Variants in CHRM3 observed in about 807,000 individuals in gnomAD.
CHRM3 encodes cholinergic receptor muscarinic 3.
A neutral mutation model predicts 41.8 loss-of-function variants in CHRM3; 11 were observed. The ratio of observed to expected loss-of-function variants is 0.26; its 90% CI spans 0.17 to 0.44. The LOEUF (loss-of-function observed/expected upper bound fraction) is 0.44, where lower values mean the gene tolerates loss of function less well. CHRM3 is among the 20% of genes least tolerant of loss of function. CHRM3 has a pLI of 1.00. For synonymous variants in CHRM3, 297 were observed against 301.4 expected, an observed-to-expected ratio of 0.99 and a Z score of 0.15; for missense variants, 571 against 745.4, an observed-to-expected ratio of 0.77 and a Z score of 2.72.
At chr1:239,654,555 A>G (rs549307013) in intron 4 of CHRM3, among the ~76,000 whole-genome samples, 44 of 151,948 alleles carry the variant, frequency 2.9e-4, no homozygotes, top group African/African-American at 9.9e-4. Context: ...CACACCACCC[A>G]TCCTGGCTAA....
intron 6 of CHRM3, among the ~76,000 whole-genome samples, chr1:239,883,986 AG>A (rs1443185797): frequency 1.3e-5 from 2 of 152,250 alleles, no homozygotes; most frequent in African/African-American, 4.8e-5. Context: ...GTATGAAAAG[AG>A]AACCCCAACA....
chr1:239,514,584 T>C (rs1028928641), intron 2 of CHRM3, among the ~76,000 whole-genome samples: 1 of 152,110 alleles, frequency 6.6e-6, no homozygotes, highest in African/African-American at 2.4e-5. Context: ...TATTTCTCGC[T>C]TATCAATCTG....
intron 5 of CHRM3, among the ~76,000 whole-genome samples, chr1:239,715,294 A>G (rs1662227714): frequency 6.6e-6 from 1 of 152,160 alleles, no homozygotes. Flanking sequence ...AGGGCACTAT[A>G]ACTAGAAGAG....
At chr1:239,900,723 A>G (rs1439616475) in intron 6 of CHRM3, among the ~76,000 whole-genome samples, 5 of 152,136 alleles carry the variant, frequency 3.3e-5, no homozygotes, top group African/African-American at 1.2e-4. Flanking sequence ...TGGAGGGACG[A>G]AGGCAAGAAA....
intron 1 of CHRM3, among the ~76,000 whole-genome samples, chr1:239,414,243 G>A (rs1661326635): frequency 6.6e-6 from 1 of 152,020 alleles, no homozygotes; most frequent in Admixed American, 6.6e-5. Context: ...ATTTGGTATT[G>A]AACACATATG....
At chr1:239,778,629 A>C (rs761347700) in intron 5 of CHRM3, among the ~76,000 whole-genome samples, 91 of 152,196 alleles carry the variant, frequency 6.0e-4, no homozygotes, top group Non-Finnish European at 1.1e-3. Flanking sequence ...GGATTCTCTT[A>C]GGGCAGTCAC....
chr1:239,575,388 A>G (rs1363112185), intron 3 of CHRM3, among the ~76,000 whole-genome samples: 1 of 152,160 alleles, frequency 6.6e-6, no homozygotes, highest in Non-Finnish European at 1.5e-5. Context: ...GAATGAAGAG[A>G]GTGAAACTTC....
At chr1:239,602,430 A>G (rs1188166475) in intron 3 of CHRM3, among the ~76,000 whole-genome samples, 2 of 152,288 alleles carry the variant, frequency 1.3e-5, no homozygotes, top group Non-Finnish European at 2.9e-5. Context: ...AGGGGAAAAT[A>G]AATTAACTAT....
At chr1:239,859,536 T>C (rs1675432346) in intron 6 of CHRM3, among the ~76,000 whole-genome samples, 1 of 149,704 alleles carries the variant, frequency 6.7e-6, no homozygotes, top group Admixed American at 6.7e-5. Context: ...AGCCTCAGCC[T>C]CCCAGGTAGC....
At chr1:239,551,210 C>T (rs1276170513) in intron 3 of CHRM3, among the ~76,000 whole-genome samples, 3 of 137,110 alleles carry the variant, frequency 2.2e-5, no homozygotes, top group African/African-American at 5.6e-5. Context: ...TTGCCCAGGC[C>T]AGAGTGCAAT....
At chr1:239,751,675 A>G (rs2148582402) in intron 5 of CHRM3, among the ~76,000 whole-genome samples, 1 of 152,296 alleles carries the variant, frequency 6.6e-6, no homozygotes, top group African/African-American at 2.4e-5. Flanking sequence ...GTTTAGAACA[A>G]AGAGCATAGG....
chr1:239,667,858 C>T (rs1447315441), intron 4 of CHRM3, among the ~76,000 whole-genome samples: 1 of 152,122 alleles, frequency 6.6e-6, no homozygotes, highest in African/African-American at 2.4e-5. Context: ...CTGATAGGAA[C>T]AGAATCATCC....
chr1:239,895,894 T>A (rs915193099), intron 6 of CHRM3, among the ~76,000 whole-genome samples: 1 of 152,038 alleles, frequency 6.6e-6, no homozygotes, highest in Admixed American at 6.6e-5. Context: ...AGTGACAAAA[T>A]AATCTGTAAA....
rs1680064318 is a variant in CHRM3 at position 239,907,521 on chromosome 1, C to G, written c.70C>G (p.Pro24Ala). 1 of 1,614,188 alleles carries G rather than the reference C, an allele frequency of 6.2e-7. No homozygotes were observed. Among genetic ancestry groups the G allele is most frequent in the African/African-American group, 1.3e-5 (1 of 75,052 alleles). The part of the protein sequence containing the change: ...PNISSSWIHS[P>A]SDAGLPPGTV... The stretch of plus-strand genomic sequence containing the variant: ...CATCAGCTCCTCCTGGATACACAGC[C>G]CCTCCGATGCAGGGCTGCCCCCGGG... The change falls in exon 7 of 7, where the codon CCC becomes GCC. Residue 24 changes from proline (P) to alanine (A), a missense_variant. Pro to Ala is a conservative substitution (Grantham distance 27). This residue lies in a region of CHRM3 where 92 missense variants were observed against 76.1 expected (regional missense o/e 1.21). Transcript: ENST00000676153. This position sits in a 1 kb window ranked among gnomAD's most constrained non-coding sequence, Gnocchi z 5.4.
intron 6 of CHRM3, among the ~76,000 whole-genome samples, chr1:239,863,323 A>T (rs1009126636): frequency 2.6e-5 from 4 of 152,046 alleles, no homozygotes; most frequent in Non-Finnish European, 5.9e-5. Flanking sequence ...GTTTCCAAGG[A>T]CTCTGTACCA....
chr1:239,485,204 G>A (rs1419875485), intron 1 of CHRM3, among the ~76,000 whole-genome samples: 4 of 152,112 alleles, frequency 2.6e-5, no homozygotes, highest in African/African-American at 9.7e-5. Context: ...TGGGGGCTGT[G>A]GCACACTGGG....
chr1:239,738,276 C>T lies in CHRM3; in HGVS notation c.-147+59988C>T, dbSNP rs374067859. ...CCCTGATAACCCCATGCCCTTCATT[C>T]CTTCTCTGAAGTCATCTATAATTGT... On this transcript the variant is annotated intron_variant, in intron 5 of 6. Transcript: ENST00000676153. Among the ~76,000 whole-genome samples the T allele has an allele frequency of 2.0e-5, 3 of 152,154 alleles. No homozygotes were observed. The East Asian group carries it at 5.8e-4, about 29-fold the overall frequency.
intron 1 of CHRM3, among the ~76,000 whole-genome samples, chr1:239,488,944 A>C (rs1429886116): frequency 6.6e-6 from 1 of 152,148 alleles, no homozygotes; most frequent in Non-Finnish European, 1.5e-5. Context: ...AAAATAGGTT[A>C]GGAGAACGTT....
chr1:239,550,103 G>A (rs2148435279), intron 3 of CHRM3, among the ~76,000 whole-genome samples: 1 of 152,082 alleles, frequency 6.6e-6, no homozygotes, highest in South Asian at 2.1e-4. Flanking sequence ...AATCTCCTCT[G>A]CCTCCTTGCT....
Sources: gnomAD v4.1 joint callset for allele counts (sites outside exome capture counted in the v4.1 genomes callset) on GRCh38, gnomAD v4.1.1 for gene constraint, gnomAD v4.1.1 regional missense constraint, Gnocchi (gnomAD v3.1) non-coding constraint, MANE v1.5 for transcripts, NCBI Gene and HGNC (gene_info 2026-07-23, HGNC 2026-07-21) for gene names.